Variants in EIF3CL observed in about 807,000 individuals in gnomAD.
EIF3CL encodes the protein eukaryotic translation initiation factor 3 subunit C like, also known as eukaryotic translation initiation factor 3 subunit C-like protein.
For missense variants in EIF3CL, 5 were observed against 56.1 expected, an observed-to-expected ratio of 0.09 and a Z score of 2.91; for synonymous variants, 2 against 19.6, an observed-to-expected ratio of 0.10 and a Z score of 2.37.
At chr16:28,416,976 G>C in the EIF3CL span, among the ~76,000 whole-genome samples, 70 of 43,192 alleles carry the variant, frequency 1.6e-3, no homozygotes, top group Admixed American at 1.9e-3. Flanking sequence ...GTGAGGAGCC[G>C]CTCTGCCCGG....
chr16:28,405,879 GTATACACACACACACACACACA>G (rs2045684166), upstream of EIF3CL, among the ~76,000 whole-genome samples: 1 of 151,966 alleles, frequency 6.6e-6, no homozygotes, highest in South Asian at 2.1e-4. Context: ...CTCTCTTTGT[GTATACACACACACACACACACA>G]TACACACACA....
chr16:28,410,873 TTACA>T, the EIF3CL span, among the ~76,000 whole-genome samples: 1 of 115,944 alleles, frequency 8.6e-6, no homozygotes, highest in Non-Finnish European at 1.9e-5. Flanking sequence ...AAGCATGGGA[TTACA>T]AGCATGAGCC....
chr16:28,388,383 TCA>T, intron 14 of EIF3CL, 101 bp from the exon 15 acceptor site: 8 of 11,492 alleles, frequency 7.0e-4, no homozygotes, highest in East Asian at 6.5e-3. Flanking sequence ...TTCTAATACC[TCA>T]GTTTCCCTCC....
chr16:28,414,855 A>G, the EIF3CL span: 7 of 510,584 alleles, frequency 1.4e-5, 1 homozygote, highest in South Asian at 9.9e-5. Context: ...CAAATGCAGC[A>G]AGATGGACCC....
At chr16:28,416,794 C>CGGGA in the EIF3CL span, among the ~76,000 whole-genome samples, 6 of 79,850 alleles carry the variant, frequency 7.5e-5, no homozygotes, top group Admixed American at 1.4e-4. Flanking sequence ...CCGCCCCGTC[C>CGGGA]GGGAGGTGAG....
rs535813857 is a variant in EIF3CL, at chr16:28,403,334, A to G, written c.101+184T>C. Among the ~76,000 whole-genome samples the G allele has an allele frequency of 4.9e-3, 260 of 53,008 alleles. 4 individuals carry two copies. Among genetic ancestry groups the G allele is most frequent in the East Asian group, 0.043 (51 of 1,184 alleles). 34.8% of individuals were successfully genotyped at this position (53,008 alleles called of 152,430 possible). A position where few individuals can be genotyped will look rare whatever the true frequency, so the allele number is the denominator to read the frequency against. On this transcript the variant is annotated intron_variant, in intron 2 of 20. Transcript: ENST00000380876. ...TATCCCTTGTGCCTGGTGGGTGGCT[A>G]CCGGCTATCACAGCCCTCTAAGGCT...
At chr16:28,418,990 T>C in the EIF3CL span, among the ~76,000 whole-genome samples, 31 of 147,386 alleles carry the variant, frequency 2.1e-4, no homozygotes, top group Non-Finnish European at 3.5e-4. Flanking sequence ...TGATAATGCT[T>C]CTGGTTAACT....
Position 28,385,313 on chromosome 16 carries a change from T to C in EIF3CL, c.1822-1832A>G, listed in dbSNP as rs75461991. On this transcript the variant is annotated intron_variant, in intron 15 of 20. Transcript: ENST00000380876. ...AACTCACAGTTATTCATTATATGAA[T>C]AGAATGAAGGAGAAGTAACCGGGTA... 3.0e-3 allele frequency among the ~76,000 whole-genome samples: 399 copies of C among 131,396 alleles called. 82 individuals carry two copies. In the East Asian group the frequency reaches 0.077, roughly 25 times the overall value. The allele number at this position is 131,396 out of a possible 152,430, so 86.2% of individuals were successfully genotyped here. A position where few individuals can be genotyped will look rare whatever the true frequency, so the allele number is the denominator to read the frequency against.
At chr16:28,386,275 C>T (rs1276830458) in intron 15 of EIF3CL, among the ~76,000 whole-genome samples, 1,116 of 58,024 alleles carry the variant, frequency 0.019, 56 homozygotes, top group African/African-American at 0.069. Flanking sequence ...TAAGGCACTC[C>T]TACAACTCAA....
chr16:28,387,642 A>G (rs1170710671), intron 15 of EIF3CL, among the ~76,000 whole-genome samples: 1 of 150,360 alleles, frequency 6.7e-6, no homozygotes, highest in Non-Finnish European at 1.5e-5. Flanking sequence ...AAACACAAAC[A>G]GGAGGGCTGT....
At chr16:28,416,746 G>C in the EIF3CL span, among the ~76,000 whole-genome samples, 2 of 117,270 alleles carry the variant, frequency 1.7e-5, no homozygotes, top group Admixed American at 9.2e-5. Flanking sequence ...CCCCGTCCGG[G>C]AGGGAGGTGG....
intron 15 of EIF3CL, among the ~76,000 whole-genome samples, chr16:28,387,439 A>G (rs1415632064): frequency 2.0e-5 from 3 of 149,306 alleles, no homozygotes; most frequent in Non-Finnish European, 4.5e-5. Context: ...CCCTCTCAAA[A>G]AAAGACCAAC....
chr16:28,403,247 T>C (rs1257702752), intron 2 of EIF3CL, among the ~76,000 whole-genome samples: 1 of 68,402 alleles, frequency 1.5e-5, no homozygotes, highest in African/African-American at 4.7e-5. Context: ...GTAGAGGCTG[T>C]AGACTTAAGG....
At position 28,403,100 on chromosome 16, in the gene EIF3CL, C is replaced by T. The variant is rs1199148742; in HGVS notation, c.101+418G>A. 2.1e-5 allele frequency among the ~76,000 whole-genome samples: 3 copies of T among 144,542 alleles called. 1 individual carries two copies. The highest frequency in any genetic ancestry group is 4.6e-5 in the Non-Finnish European group (3 of 65,154). 94.8% of individuals were successfully genotyped at this position (144,542 alleles called of 152,430 possible). On this transcript the variant is annotated intron_variant, in intron 2 of 20. Coordinates refer to ENST00000380876, the MANE Select transcript of EIF3CL (RefSeq NM_001317857.2). ...AACAGGCATATAAAATGTTTAAGCA[C>T]CTGCGTACACAGCAGGTGACCAGAC...
At chr16:28,417,998 A>T in the EIF3CL span, among the ~76,000 whole-genome samples, 1 of 140,696 alleles carries the variant, frequency 7.1e-6, no homozygotes, top group Non-Finnish European at 1.6e-5. Context: ...GGCTGAGATC[A>T]CCCCATTGCG....
upstream of EIF3CL, among the ~76,000 whole-genome samples, chr16:28,408,129 A>C (rs2045687510): frequency 3.8e-5 from 1 of 26,432 alleles, no homozygotes; most frequent in Non-Finnish European, 6.5e-5. Flanking sequence ...GCTTGAACCC[A>C]GGAGGCAGAG....
the EIF3CL span, chr16:28,414,927 G>A: frequency 3.9e-6 from 2 of 513,418 alleles, 1 homozygote; most frequent in East Asian, 1.2e-4. Context: ...CCCCAACTCT[G>A]AGGTCAGCGA....
upstream of EIF3CL, among the ~76,000 whole-genome samples, chr16:28,406,255 G>GTA (rs556714126): frequency 6.9e-3 from 76 of 10,950 alleles, 1 homozygote; most frequent in East Asian, 0.091. Flanking sequence ...ATGTGTGTGT[G>GTA]TATATATATA....
the EIF3CL span, among the ~76,000 whole-genome samples, chr16:28,422,756 G>A: frequency 2.5e-4 from 34 of 137,628 alleles, no homozygotes; most frequent in East Asian, 3.6e-3. Context: ...AAAATCCCTC[G>A]AACTCGGGAG....
Sources: gnomAD v4.1 joint callset for allele counts (sites outside exome capture counted in the v4.1 genomes callset) on GRCh38, gnomAD v4.1.1 for gene constraint, MANE v1.5 for transcripts, NCBI Gene and HGNC (gene_info 2026-07-23, HGNC 2026-07-21) for gene names.